The following PKD2 variants were observed in gnomAD, a reference collection of about 807,000 sequenced individuals.
PKD2 encodes the protein polycystin-2.
A neutral mutation model predicts 105.9 loss-of-function variants in PKD2; 48 were observed. The ratio of observed to expected loss-of-function variants is 0.45; its 90% CI spans 0.36 to 0.58. The LOEUF (loss-of-function observed/expected upper bound fraction) is 0.58. PKD2 is among the 20% of genes least tolerant of loss of function. PKD2 has a pLI of 0.00. For synonymous variants in PKD2, 464 were observed against 481.1 expected, an observed-to-expected ratio of 0.96 and a Z score of 0.46; for missense variants, 1,078 against 1,255.3, an observed-to-expected ratio of 0.86 and a Z score of 2.13.
chr4:88,067,809 C>G (rs1720851321), intron 12 of PKD2, 89 bp from the exon 13 acceptor site: 4 of 1,059,412 alleles, frequency 3.8e-6, no homozygotes. Context: ...AAATGGCATG[C>G]ACCCAGTTCC....
At chr4:88,054,658 T>G (rs1210359445) in intron 7 of PKD2, among the ~76,000 whole-genome samples, 3 of 144,768 alleles carry the variant, frequency 2.1e-5, no homozygotes, top group Non-Finnish European at 4.5e-5. Flanking sequence ...TACTTTTTTT[T>G]TTTTTTTTTT....
At chr4:88,050,254 G>A (rs750481764) in intron 6 of PKD2, among the ~76,000 whole-genome samples, 12 of 152,078 alleles carry the variant, frequency 7.9e-5, no homozygotes, top group South Asian at 6.2e-4. Flanking sequence ...GATTACAGGC[G>A]TGAACCACCG....
intron 10 of PKD2, among the ~76,000 whole-genome samples, chr4:88,062,711 A>G (rs533604786): frequency 3.9e-4 from 60 of 152,310 alleles, no homozygotes; most frequent in African/African-American, 1.3e-3. Context: ...GCTAAGTCAT[A>G]GTGGCTCCTT....
In PKD2 at chr4:88,059,876, G is replaced by A. The variant is rs143622583; in HGVS notation, c.2019+1773G>A. Among the ~76,000 whole-genome samples, 848 of 152,222 alleles carry A rather than the reference G, an allele frequency of 5.6e-3. 2 individuals are homozygous for A. The highest frequency in any genetic ancestry group is 0.019 in the African/African-American group (805 of 41,536). ...ATAGGGTTGGCCACCTTTCTGAGCC[G>A]ATTGCCTGGTATTAGTTTATTGCCC... On this transcript the variant is annotated intron_variant, in intron 9 of 14. Coordinates refer to ENST00000237596, the MANE Select transcript of PKD2 (RefSeq NM_000297.4).
At chr4:88,020,743 G>A (rs1578119016) in intron 2 of PKD2, among the ~76,000 whole-genome samples, 1 of 150,484 alleles carries the variant, frequency 6.6e-6, no homozygotes, top group East Asian at 2.0e-4. Flanking sequence ...AGGCCGGAGT[G>A]CAGTGGCACA....
chr4:88,067,037 C>T (rs1720820297), intron 12 of PKD2, among the ~76,000 whole-genome samples: 1 of 152,124 alleles, frequency 6.6e-6, no homozygotes, highest in South Asian at 2.1e-4. Flanking sequence ...TACATCTTTC[C>T]TACTTTGGAG....
chr4:88,065,144 A>G (rs1325626986), intron 10 of PKD2, among the ~76,000 whole-genome samples: 1 of 152,154 alleles, frequency 6.6e-6, no homozygotes, highest in Non-Finnish European at 1.5e-5. Context: ...TGAGTAAAAG[A>G]CCTTTAGTTC....
chr4:88,027,568 C>G (rs553494523), intron 2 of PKD2, among the ~76,000 whole-genome samples: 6 of 152,076 alleles, frequency 3.9e-5, no homozygotes, highest in African/African-American at 7.2e-5. Flanking sequence ...AATGTTGGAA[C>G]GAATTAAGAC....
At chr4:88,070,633 G>A (rs867106539) in intron 13 of PKD2, among the ~76,000 whole-genome samples, 5 of 147,092 alleles carry the variant, frequency 3.4e-5, no homozygotes, top group South Asian at 4.3e-4. Flanking sequence ...GAGAGAAAGA[G>A]AGAGAGAGAG....
intron 9 of PKD2, among the ~76,000 whole-genome samples, chr4:88,059,055 C>G (rs1156705927): frequency 6.6e-6 from 1 of 152,076 alleles, no homozygotes; most frequent in East Asian, 1.9e-4. Context: ...TGTAATAACT[C>G]TAAAGTCAGT....
At chr4:88,057,096 C>T (rs544699509) in intron 8 of PKD2, among the ~76,000 whole-genome samples, 15 of 152,120 alleles carry the variant, frequency 9.9e-5, no homozygotes, top group African/African-American at 3.1e-4. Flanking sequence ...CTCAAGCAAT[C>T]CTGCTGCCTC....
chr4:88,053,555 G>T (rs1720194332), intron 7 of PKD2, among the ~76,000 whole-genome samples: 1 of 151,782 alleles, frequency 6.6e-6, no homozygotes, highest in Non-Finnish European at 1.5e-5. Context: ...TACTTAGGAG[G>T]CTTAGGCGGG....
intron 4 of PKD2, among the ~76,000 whole-genome samples, chr4:88,041,032 C>T (rs981574673): frequency 3.3e-5 from 5 of 152,198 alleles, no homozygotes; most frequent in Non-Finnish European, 7.3e-5. Context: ...ACAGAGCTTG[C>T]ATTCTAGTGA....
chr4:88,066,456 G>C (rs1214455390), intron 12 of PKD2, among the ~76,000 whole-genome samples: 1 of 151,486 alleles, frequency 6.6e-6, no homozygotes, highest in Admixed American at 6.6e-5. Flanking sequence ...CCACCTCCCG[G>C]GTTCAAGCGA....
Position 88,038,460 on chromosome 4 carries a change from T to C in PKD2, c.1053T>C (p.Ser351=). The change falls in exon 4 of 15, where the codon AGT becomes AGC. Residue 351 remains serine, a synonymous_variant. Coordinates refer to ENST00000237596, the MANE Select transcript of PKD2 (RefSeq NM_000297.4). ...AGTGCTATGATGTCTACTCTGTCAGTAGTGAAGATAGGGCTCCCTTTGGGC... is the reference window on the plus strand; with the variant it reads ...AGTGCTATGATGTCTACTCTGTCAGCAGTGAAGATAGGGCTCCCTTTGGGC... The part of the protein sequence containing the change: ...IKECYDVYSV[S]SEDRAPFGPR... The C allele has an allele frequency of 6.2e-7, 1 of 1,613,664 alleles. No individual in the cohort carries two copies. The highest frequency in any genetic ancestry group is 1.7e-5 in the Admixed American group (1 of 60,004).
chr4:88,016,321 C>G (rs895294663), intron 1 of PKD2, among the ~76,000 whole-genome samples: 3 of 152,192 alleles, frequency 2.0e-5, no homozygotes, highest in Non-Finnish European at 4.4e-5. Context: ...TCCGTGTTCT[C>G]CCTAACACCT....
intron 1 of PKD2, among the ~76,000 whole-genome samples, chr4:88,015,768 G>A (rs1337885494): frequency 6.6e-6 from 1 of 152,182 alleles, no homozygotes; most frequent in Non-Finnish European, 1.5e-5. Context: ...TGGGGAAATG[G>A]CATTTTTGTT....
intron 13 of PKD2, among the ~76,000 whole-genome samples, chr4:88,070,587 T>TAG (rs1249264126): frequency 1.1e-4 from 11 of 100,212 alleles, no homozygotes; most frequent in African/African-American, 2.6e-4. Flanking sequence ...TATATATATA[T>TAG]ATATATATAT....
At chr4:88,058,373 C>G (rs779165141) in intron 9 of PKD2, among the ~76,000 whole-genome samples, 2 of 152,138 alleles carry the variant, frequency 1.3e-5, no homozygotes, top group African/African-American at 2.4e-5. Flanking sequence ...TTTCATTTCT[C>G]TCTCTATATA....
Sources: allele counts gnomAD v4.1 joint callset (sites outside exome capture counted in the v4.1 genomes callset), GRCh38; gene constraint gnomAD v4.1.1; transcripts MANE v1.5; gene names NCBI Gene and HGNC (gene_info 2026-07-23, HGNC 2026-07-21).